The following BOLL variants were observed in gnomAD, a reference collection of about 807,000 sequenced individuals.
The protein encoded by BOLL is protein boule-like.
BOLL carries 23 observed loss-of-function variants against 44.4 expected under a neutral mutation model. That is an observed-to-expected ratio of 0.52 (90% CI 0.37 to 0.73). The LOEUF is 0.73. Among genes scored for constraint, BOLL ranks in the 30% least tolerant of loss-of-function variants. The pLI is 0.00. For missense variants in BOLL, 287 were observed against 338.3 expected, an observed-to-expected ratio of 0.85 and a Z score of 1.19; for synonymous variants, 97 against 110.8, an observed-to-expected ratio of 0.88 and a Z score of 0.78.
Position 197,775,690 on chromosome 2 carries a change from T to C in BOLL, c.327A>G (p.Ile109Met). 4.5e-6 allele frequency: 7 copies of C among 1,567,182 alleles called. No homozygotes were observed. Among genetic ancestry groups the C allele is most frequent in the Non-Finnish European group, 6.1e-6 (7 of 1,155,424 alleles). Residue 109 changes from isoleucine (I) to methionine (M), a missense_variant, in exon 5 of 11, where the codon ATA becomes ATG. Physicochemically the swap from Ile to Met is conservative, Grantham distance 10. Coordinates refer to ENST00000392296, the MANE Select transcript of BOLL (RefSeq NM_033030.6). ...GAGGGATCCCTACTTGTTGTTTTCT[T>C]ATTGCTGGACCAATGTTCAGCTTCT... ...KDKKLNIGPA[I>M]RKQQVGIPRS...
At chr2:197,776,083 AGC>A (rs1404531273) in intron 4 of BOLL, among the ~76,000 whole-genome samples, 4 of 151,640 alleles carry the variant, frequency 2.6e-5, no homozygotes, top group African/African-American at 9.7e-5. Flanking sequence ...AAATTTGAGT[AGC>A]CTGATGCGCA....
intron 9 of BOLL, among the ~76,000 whole-genome samples, chr2:197,743,783 A>C (rs1009272358): frequency 2.0e-5 from 3 of 152,264 alleles, no homozygotes; most frequent in Middle Eastern, 6.8e-3. Flanking sequence ...AAGTACAATC[A>C]ATACAAACAT....
chr2:197,726,903 AATTAATTTTT>A lies in BOLL; in HGVS notation c.*1642_*1651del, dbSNP rs1686870473. 1 of 152,620 alleles carries A rather than the reference AATTAATTTTT, an allele frequency of 6.6e-6. No individual in the cohort carries two copies. Among genetic ancestry groups the A allele is most frequent in the South Asian group, 2.1e-4 (1 of 4,832 alleles). 9.5% of individuals were successfully genotyped at this position (152,620 alleles called of 1,614,324 possible). A position where few individuals can be genotyped will look rare whatever the true frequency, so the allele number is the denominator to read the frequency against. On this transcript the variant is annotated 3_prime_UTR_variant, in exon 11 of 11. Transcript: ENST00000392296. Reference sequence around the variant, plus strand: ...CAAAATTCCTTATCCAATAATACATAATTAATTTTTATTAACAGTCCAGGATTTGTTTAGC... The same window carrying A: ...CAAAATTCCTTATCCAATAATACATAATTAACAGTCCAGGATTTGTTTAGC...
intron 10 of BOLL, among the ~76,000 whole-genome samples, chr2:197,735,766 T>A (rs565624399): frequency 3.3e-5 from 5 of 152,178 alleles, no homozygotes; most frequent in Non-Finnish European, 7.4e-5. Flanking sequence ...CCACTTCTCA[T>A]TAGTTTTTGC....
chr2:197,768,215 T>C (rs757609970), intron 6 of BOLL, among the ~76,000 whole-genome samples: 1 of 152,026 alleles, frequency 6.6e-6, no homozygotes, highest in Non-Finnish European at 1.5e-5. Context: ...GAAAACTTTT[T>C]TATGGATAGA....
intron 5 of BOLL, among the ~76,000 whole-genome samples, chr2:197,772,614 G>A (rs1191851140): frequency 6.6e-6 from 1 of 151,896 alleles, no homozygotes; most frequent in Non-Finnish European, 1.5e-5. Context: ...AAACATGACC[G>A]CAAGTCTTCA....
At chr2:197,738,428 C>T (rs577187888) in intron 10 of BOLL, among the ~76,000 whole-genome samples, 2 of 152,048 alleles carry the variant, frequency 1.3e-5, no homozygotes, top group South Asian at 4.1e-4. Context: ...GGAATGATGG[C>T]CCTAATTAGT....
chr2:197,784,098 T>A (rs909257016), intron 1 of BOLL, among the ~76,000 whole-genome samples: 9 of 151,938 alleles, frequency 5.9e-5, no homozygotes, highest in Admixed American at 4.6e-4. Context: ...TCTCCTCCAC[T>A]CTCTAAGGCT....
chr2:197,784,391 CATATATATATAT>C (rs60865376), intron 1 of BOLL, among the ~76,000 whole-genome samples: 2,909 of 54,538 alleles, frequency 0.053, 83 homozygotes, highest in South Asian at 0.073. Flanking sequence ...CAGTCTAATA[CATATATATATAT>C]ATATATATAT....
At chr2:197,740,229 G>C (rs938576498) in intron 10 of BOLL, among the ~76,000 whole-genome samples, 1 of 152,142 alleles carries the variant, frequency 6.6e-6, no homozygotes, top group African/African-American at 2.4e-5. Context: ...TTGGTATTGA[G>C]TTCAACACAT....
chr2:197,756,572 A>G lies in BOLL; in HGVS notation c.601-16T>C, dbSNP rs1372792272. 11 of 1,577,244 alleles carry G rather than the reference A, an allele frequency of 7.0e-6. No individual in the cohort carries two copies. In the East Asian group the frequency reaches 1.8e-4, roughly 26 times the overall value. ...AGGCAGAAGGCTAAAATACAAAACC[A>G]TATTTCTAATTCAAATATGATTAGT... On this transcript the variant is annotated splice_polypyrimidine_tract_variant and intron_variant, in intron 8 of 10. Coordinates refer to ENST00000392296, the MANE Select transcript of BOLL (RefSeq NM_033030.6).
At chr2:197,775,413 T>G (rs1689462860) in intron 5 of BOLL, among the ~76,000 whole-genome samples, 1 of 151,854 alleles carries the variant, frequency 6.6e-6, no homozygotes, top group South Asian at 2.1e-4. Context: ...CACGAAAGAT[T>G]TTTTTTCCTT....
At chr2:197,778,290 G>T (rs1258368623) in intron 3 of BOLL, among the ~76,000 whole-genome samples, 1 of 151,614 alleles carries the variant, frequency 6.6e-6, no homozygotes. Flanking sequence ...TGTATGTCTC[G>T]TCTCTCTTTC....
In BOLL at chr2:197,771,976, C is replaced by A; in HGVS notation, c.359G>T (p.Ser120Ile). The change falls in exon 6 of 11, where the codon AGT (serine) becomes ATT (isoleucine). Residue 120 changes from serine to isoleucine, a missense_variant. Coordinates refer to ENST00000392296, the MANE Select transcript of BOLL (RefSeq NM_033030.6). ...RKQQVGIPRSSIMPAAGTMYL... is the reference protein window; with the variant it reads ...RKQQVGIPRSIIMPAAGTMYL... ...CATTGTTCCAGCTGCTGGCATTATACTAGAACCTAAAGCAAAGATTAAATA... is the reference window on the plus strand; with the variant it reads ...CATTGTTCCAGCTGCTGGCATTATAATAGAACCTAAAGCAAAGATTAAATA... 1 of 1,569,818 alleles carries A rather than the reference C, an allele frequency of 6.4e-7. No homozygotes were observed. The highest frequency in any genetic ancestry group is 1.2e-5 in the South Asian group (1 of 83,908).
chr2:197,785,833 G>T, upstream of BOLL: 3 of 746,180 alleles, frequency 4.0e-6, no homozygotes, highest in Non-Finnish European at 6.9e-6. This position sits in a 1 kb window ranked among gnomAD's most constrained non-coding sequence, Gnocchi z 6.7. Flanking sequence ...TCCTGGCAGC[G>T]GTCGATGGGG....
chr2:197,745,210 T>C (rs1166266104), intron 9 of BOLL, among the ~76,000 whole-genome samples: 3 of 151,836 alleles, frequency 2.0e-5, no homozygotes, highest in Non-Finnish European at 2.9e-5. Context: ...AAATAATCAT[T>C]GAAATAAGTG....
At chr2:197,782,678 C>G (rs1689843335) in intron 1 of BOLL, among the ~76,000 whole-genome samples, 1 of 152,184 alleles carries the variant, frequency 6.6e-6, no homozygotes, top group Non-Finnish European at 1.5e-5. Flanking sequence ...GAACAATTAA[C>G]AGACCCAACT....
upstream of BOLL, chr2:197,786,111 C>G: frequency 6.9e-7 from 1 of 1,447,590 alleles, no homozygotes; most frequent in Non-Finnish European, 9.1e-7. This position sits in a 1 kb window ranked among gnomAD's most constrained non-coding sequence, Gnocchi z 5.9. Context: ...GGACTCTCGC[C>G]CCCTGGCGGC....
intron 9 of BOLL, among the ~76,000 whole-genome samples, chr2:197,749,550 T>A (rs529766383): frequency 6.6e-6 from 1 of 151,900 alleles, no homozygotes; most frequent in South Asian, 2.1e-4. Flanking sequence ...AGTGACCTGA[T>A]GGAACTGAAA....
Sources: gnomAD v4.1 joint callset for allele counts (sites outside exome capture counted in the v4.1 genomes callset) on GRCh38, gnomAD v4.1.1 for gene constraint, Gnocchi (gnomAD v3.1) non-coding constraint, MANE v1.5 for transcripts, NCBI Gene and HGNC (gene_info 2026-07-23, HGNC 2026-07-21) for gene names.